Variants in ARHGEF3 observed in about 807,000 individuals in gnomAD.
ARHGEF3 encodes the protein 59.8 kDA protein.
Under a neutral mutation model 63.2 loss-of-function variants are expected in ARHGEF3, and 28 were observed. The ratio of observed to expected loss-of-function variants is 0.44; its 90% confidence interval spans 0.33 to 0.61. The LOEUF (loss-of-function observed/expected upper bound fraction) is 0.61. Among genes scored for constraint, ARHGEF3 ranks in the 20% least tolerant of loss-of-function variants. The pLI is 0.03. For missense variants in ARHGEF3, 533 were observed against 659.3 expected (o/e 0.81, Z 2.10); for synonymous variants, 266 against 254.2 (o/e 1.05, Z -0.44).
At chr3:56,886,264 C>A (rs752673355) in intron 3 of ARHGEF3, among the ~76,000 whole-genome samples, 74 of 152,196 alleles carry the variant, frequency 4.9e-4, no homozygotes, top group Non-Finnish European at 6.9e-4. Flanking sequence ...GAGCCTGGGA[C>A]AATCCCTGGT....
At chr3:56,783,189 CAG>C (rs1157818517) in intron 1 of ARHGEF3, among the ~76,000 whole-genome samples, 2 of 152,138 alleles carry the variant, frequency 1.3e-5, no homozygotes, top group Admixed American at 1.3e-4. Flanking sequence ...ATTAAAAAAA[CAG>C]GGGTAGAAAG....
chr3:56,796,889 A>C (rs1357380248), intron 1 of ARHGEF3, among the ~76,000 whole-genome samples: 1 of 152,206 alleles, frequency 6.6e-6, no homozygotes, highest in Non-Finnish European at 1.5e-5. Flanking sequence ...GTGATGATGA[A>C]AGGACTTACG....
chr3:56,746,996 T>C lies in ARHGEF3; in HGVS notation c.613-1534A>G, dbSNP rs138442130. Among the ~76,000 whole-genome samples the C allele has an allele frequency of 1.5e-4, 23 of 152,278 alleles. No individual in the cohort carries two copies. The East Asian group carries it at 4.4e-3, about 29-fold the overall frequency. The stretch of plus-strand genomic sequence containing the variant: ...ATTTTTTCCCTCAACCTTATATTTG[T>C]GTAAGTACTAGCTATTATTATTTGA... On this transcript the variant is annotated intron_variant, in intron 6 of 9. Transcript: ENST00000296315.
At chr3:56,829,609 A>G (rs1559974812) in intron 4 of ARHGEF3, among the ~76,000 whole-genome samples, 1 of 152,212 alleles carries the variant, frequency 6.6e-6, no homozygotes, top group Non-Finnish European at 1.5e-5. Context: ...CCCCACAGAC[A>G]GAGCTATCTG....
At chr3:57,014,508 T>C (rs572982808) in intron 2 of ARHGEF3, among the ~76,000 whole-genome samples, 46 of 152,240 alleles carry the variant, frequency 3.0e-4, no homozygotes, top group Admixed American at 2.8e-3. Flanking sequence ...TGCGTACCAA[T>C]GCAAGAAGGA....
chr3:56,832,170 C>T (rs2038953817), intron 4 of ARHGEF3, among the ~76,000 whole-genome samples: 1 of 152,180 alleles, frequency 6.6e-6, no homozygotes, highest in African/African-American at 2.4e-5. Context: ...CCCTTGGGCC[C>T]ATTTCAGATG....
chr3:56,921,013 C>T (rs1226798001), intron 3 of ARHGEF3, among the ~76,000 whole-genome samples: 1 of 141,256 alleles, frequency 7.1e-6, no homozygotes, highest in Non-Finnish European at 1.5e-5. Flanking sequence ...CGAGATTGCA[C>T]CACTGCACTC....
chr3:57,025,200 TG>T (rs1217851356), intron 2 of ARHGEF3, among the ~76,000 whole-genome samples: 1 of 152,168 alleles, frequency 6.6e-6, no homozygotes, highest in Non-Finnish European at 1.5e-5. Context: ...TAGCCAGGAA[TG>T]GGCCGAGATG....
At chr3:57,044,608 C>G (rs1372362903) in intron 1 of ARHGEF3, among the ~76,000 whole-genome samples, 1 of 152,202 alleles carries the variant, frequency 6.6e-6, no homozygotes, top group Non-Finnish European at 1.5e-5. Context: ...CATGGATAGA[C>G]TGAGTACCAG....
chr3:56,782,814 C>A (rs6795927), intron 1 of ARHGEF3, among the ~76,000 whole-genome samples: 49,842 of 152,044 alleles, frequency 0.33, 9,264 homozygotes, highest in Middle Eastern at 0.56. Flanking sequence ...ATCTCTTGCC[C>A]CGTCTCATGG....
At chr3:57,063,514 TAG>T (rs1195160287) in intron 1 of ARHGEF3, among the ~76,000 whole-genome samples, 2 of 151,844 alleles carry the variant, frequency 1.3e-5, no homozygotes, top group Non-Finnish European at 2.9e-5. Flanking sequence ...ACTCTACAAG[TAG>T]AGTCTTTTGA....
rs780759365 is a variant in ARHGEF3 at position 56,753,538 on chromosome 3, T to C, written c.404A>G (p.Glu135Gly). The C allele has an allele frequency of 1.1e-5, 17 of 1,614,002 alleles. No individual in the cohort carries two copies. Among genetic ancestry groups the C allele is most frequent in the Non-Finnish European group, 1.4e-5 (16 of 1,180,010 alleles). The change falls in exon 4 of 10, where the codon GAA becomes GGA. Residue 135 changes from glutamate (E) to glycine (G), a missense_variant. Glu to Gly is a moderately conservative substitution (Grantham distance 98, BLOSUM62 -2). Coordinates refer to ENST00000296315, the MANE Select transcript of ARHGEF3 (RefSeq NM_019555.3). Reference protein sequence around the residue: ...EAIFELSQGEEDLIEDLKLAK... With the variant: ...EAIFELSQGEGDLIEDLKLAK... Reference sequence around the variant, plus strand: ...TAATTTCAAGTCTTCTATCAAGTCTTCTTCTCCTTGGGAAAGCTCAAAGAT... The same window carrying C: ...TAATTTCAAGTCTTCTATCAAGTCTCCTTCTCCTTGGGAAAGCTCAAAGAT...
intron 3 of ARHGEF3, among the ~76,000 whole-genome samples, chr3:56,883,891 G>A (rs1461946147): frequency 9.2e-5 from 14 of 152,176 alleles, no homozygotes; most frequent in Admixed American, 9.2e-4. Context: ...GGCAGAGACT[G>A]GAAAGCAAAC....
At chr3:56,879,516 G>T (rs904405836) in intron 4 of ARHGEF3, among the ~76,000 whole-genome samples, 5 of 152,142 alleles carry the variant, frequency 3.3e-5, no homozygotes, top group African/African-American at 9.7e-5. Context: ...CCCCTCATCT[G>T]CAATTTCTTG....
chr3:56,968,039 A>ATTT (rs1700672929), intron 2 of ARHGEF3, among the ~76,000 whole-genome samples: 1 of 11,106 alleles, frequency 9.0e-5, no homozygotes, highest in Non-Finnish European at 1.6e-4. Context: ...TTTAATATAT[A>ATTT]TAAAATATAT....
chr3:56,888,907 A>C lies in ARHGEF3; in HGVS notation c.130-6553T>G, dbSNP rs138395886. ...AATAAGAACGAAACTCCATCTCAAAAAAAAACAAAAACAAAAACAAAAAAC... is the reference window on the plus strand; with the variant it reads ...AATAAGAACGAAACTCCATCTCAAACAAAAACAAAAACAAAAACAAAAAAC... On this transcript the variant is annotated intron_variant, in intron 3 of 12. Transcript: ENST00000338458. Among the ~76,000 whole-genome samples, 22 of 151,376 alleles carry C rather than the reference A, an allele frequency of 1.5e-4. No individual in the cohort carries two copies. The East Asian group carries it at 2.7e-3, about 19-fold the overall frequency.
At chr3:57,043,874 G>A (rs55952750) in intron 1 of ARHGEF3, among the ~76,000 whole-genome samples, 31,847 of 152,238 alleles carry the variant, frequency 0.21, 4,546 homozygotes, top group East Asian at 0.63. Context: ...AATGGTTAGT[G>A]TTAACTATTT....
intron 2 of ARHGEF3, 80 bp from the exon 3 acceptor site, chr3:56,755,231 G>A (rs2034999342): frequency 5.5e-6 from 8 of 1,446,420 alleles, no homozygotes; most frequent in Middle Eastern, 1.8e-4. Flanking sequence ...TGTCGTTGAC[G>A]GAACATAAAT....
intron 1 of ARHGEF3, chr3:57,073,820 A>G (rs1560180189): frequency 6.2e-7 from 1 of 1,614,172 alleles, no homozygotes; most frequent in Non-Finnish European, 8.5e-7. Flanking sequence ...CATCCACCCA[A>G]CATCCCAACA....
Sources: gnomAD v4.1 joint callset for allele counts (sites outside exome capture counted in the v4.1 genomes callset) on GRCh38, gnomAD v4.1.1 for gene constraint, MANE v1.5 for transcripts, NCBI Gene and HGNC (gene_info 2026-07-23, HGNC 2026-07-21) for gene names.